The following ZNF654 variants were observed in gnomAD, a reference collection of about 807,000 sequenced individuals.
ZNF654 encodes melanoma-associated antigen.
A neutral mutation model predicts 95.3 loss-of-function variants in ZNF654; 19 were observed. The ratio of observed to expected loss-of-function variants is 0.20; its 90% CI spans 0.14 to 0.29. The LOEUF (loss-of-function observed/expected upper bound fraction) is 0.29, where lower values mean the gene tolerates loss of function less well. Ranked by LOEUF, ZNF654 falls within the 10% of genes least tolerant of loss-of-function variation. ZNF654 has a pLI of 1.00. For synonymous variants in ZNF654, 413 were observed against 457.9 expected, an observed-to-expected ratio of 0.90 and a Z score of 1.25; for missense variants, 1,046 against 1,341.0, an observed-to-expected ratio of 0.78 and a Z score of 3.44.
intron 2 of ZNF654, among the ~76,000 whole-genome samples, chr3:88,096,135 A>G (rs768223832): frequency 1.3e-5 from 2 of 151,952 alleles, no homozygotes; most frequent in Non-Finnish European, 2.9e-5. Flanking sequence ...TCAAGATTCA[A>G]TTAGGTAAAT....
chr3:88,059,425 G>A lies in ZNF654; in HGVS notation c.106G>A (p.Gly36Ser), dbSNP rs1371616339. ...TGTGGGGCTTAGAGCTGCGGGCGAC[G>A]GCAGAGGCGGCGCTGGCAGCGGCAA... ...GPVGLRAAGD[G>S]RGGAGSGNCG... The change falls in exon 1 of 9, where the codon GGC becomes AGC. Residue 36 changes from glycine (G) to serine (S), a missense_variant. By Grantham distance (56) the Gly-to-Ser change is moderately conservative. Around this residue, in one of 9 missense-constraint regions of ZNF654, gnomAD observed 89 missense variants for 77.9 expected, o/e 1.14. Coordinates refer to ENST00000636215, the MANE Select transcript of ZNF654 (RefSeq NM_001350134.2). 2 of 1,526,686 alleles carry A rather than the reference G, an allele frequency of 1.3e-6. No homozygotes were observed. The highest frequency in any genetic ancestry group is 1.7e-6 in the Non-Finnish European group (2 of 1,143,784). The allele number at this position is 1,526,686 out of a possible 1,614,324, so 94.6% of individuals were successfully genotyped here. A position where few individuals can be genotyped will look rare whatever the true frequency, so the allele number is the denominator to read the frequency against.
chr3:88,093,412 A>G (rs1397645618), intron 2 of ZNF654, among the ~76,000 whole-genome samples: 1 of 152,196 alleles, frequency 6.6e-6, no homozygotes, highest in African/African-American at 2.4e-5. Context: ...CATTCCAGGT[A>G]GAGGTGAGTT....
chr3:88,095,853 C>T, intron 2 of ZNF654: 1 of 459,202 alleles, frequency 2.2e-6, no homozygotes, highest in South Asian at 1.7e-5. Context: ...AAAGCCTTTC[C>T]ACTTCAGCAG....
intron 1 of ZNF654, among the ~76,000 whole-genome samples, chr3:88,066,583 A>C (rs1707213151): frequency 6.6e-6 from 1 of 151,888 alleles, no homozygotes; most frequent in South Asian, 2.1e-4. Context: ...AACAAACAAA[A>C]AAAACAAAAA....
At chr3:88,116,435 G>A (rs1210716502) in intron 3 of ZNF654, among the ~76,000 whole-genome samples, 2 of 151,798 alleles carry the variant, frequency 1.3e-5, no homozygotes, top group East Asian at 1.9e-4. Context: ...CAGGAGAATC[G>A]CTTGAACCTG....
intron 2 of ZNF654, among the ~76,000 whole-genome samples, chr3:88,111,499 T>C (rs1576301342): frequency 1.3e-5 from 2 of 152,030 alleles, no homozygotes; most frequent in East Asian, 3.8e-4. Context: ...TTGGAATTTT[T>C]TAATTCATAT....
intron 8 of ZNF654, among the ~76,000 whole-genome samples, chr3:88,141,276 T>C (rs1447823158): frequency 6.6e-6 from 1 of 152,154 alleles, no homozygotes; most frequent in Non-Finnish European, 1.5e-5. Flanking sequence ...TGCATAGGGC[T>C]TTGCCTATGA....
intron 3 of ZNF654, among the ~76,000 whole-genome samples, chr3:88,119,404 A>AGGGGGGG (rs1705627765): frequency 3.2e-5 from 1 of 31,628 alleles, no homozygotes; most frequent in Non-Finnish European, 5.3e-5. Flanking sequence ...GGGAGGGGGG[A>AGGGGGGG]GGGGGGAGGG....
At chr3:88,093,952 T>C (rs1703898400) in intron 2 of ZNF654, among the ~76,000 whole-genome samples, 2 of 152,204 alleles carry the variant, frequency 1.3e-5, no homozygotes, top group Non-Finnish European at 2.9e-5. Context: ...CCTGACTCTT[T>C]ATATTGACGA....
At chr3:88,108,661 C>G (rs1450434948) in intron 2 of ZNF654, among the ~76,000 whole-genome samples, 2 of 152,226 alleles carry the variant, frequency 1.3e-5, no homozygotes, top group African/African-American at 2.4e-5. Flanking sequence ...TCGTAGCCCT[C>G]TAGGTTATCA....
At chr3:88,110,139 T>C (rs1705000933) in intron 2 of ZNF654, among the ~76,000 whole-genome samples, 1 of 152,156 alleles carries the variant, frequency 6.6e-6, no homozygotes, top group Admixed American at 6.6e-5. Context: ...GTGCCAGGAA[T>C]TGTGCCAAGT....
chr3:88,112,859 A>G (rs1705179543), intron 2 of ZNF654, among the ~76,000 whole-genome samples: 1 of 152,066 alleles, frequency 6.6e-6, no homozygotes, highest in African/African-American at 2.4e-5. Flanking sequence ...CATTGTGGTC[A>G]TTAGTAGGCA....
intron 1 of ZNF654, among the ~76,000 whole-genome samples, chr3:88,065,166 C>T (rs1270749605): frequency 6.6e-6 from 1 of 152,134 alleles, no homozygotes; most frequent in Non-Finnish European, 1.5e-5. Flanking sequence ...TTCAAGTCTT[C>T]ATAAAAGGTG....
chr3:88,116,538 A>T (rs1434040235), intron 3 of ZNF654, among the ~76,000 whole-genome samples: 2 of 97,862 alleles, frequency 2.0e-5, no homozygotes, highest in East Asian at 3.0e-4. Context: ...AGAAAAAAAA[A>T]TACATACATA....
chr3:88,109,995 T>C lies in ZNF654; in HGVS notation c.333-3120T>C, dbSNP rs60078582. On this transcript the variant is annotated intron_variant, in intron 2 of 8. Transcript: ENST00000636215. The stretch of plus-strand genomic sequence containing the variant: ...CTGTTACATTTCAACAAAATTGACA[T>C]ATGCATAGCTGAGCAGAACAAACCT... 8.4e-3 allele frequency among the ~76,000 whole-genome samples: 1,275 copies of C among 152,232 alleles called. 13 individuals are homozygous for C. Among genetic ancestry groups the C allele is most frequent in the African/African-American group, 0.027 (1,142 of 41,564 alleles).
At chr3:88,108,443 T>C (rs1029077704) in intron 2 of ZNF654, among the ~76,000 whole-genome samples, 1 of 152,192 alleles carries the variant, frequency 6.6e-6, no homozygotes, top group Non-Finnish European at 1.5e-5. Flanking sequence ...TAGTCTCCCC[T>C]CATCTGTGGA....
At chr3:88,114,100 G>A (rs1705251404) in intron 3 of ZNF654, among the ~76,000 whole-genome samples, 1 of 152,118 alleles carries the variant, frequency 6.6e-6, no homozygotes, top group Non-Finnish European at 1.5e-5. Flanking sequence ...AAGAAAAACA[G>A]TAGTAAGCAA....
intron 2 of ZNF654, among the ~76,000 whole-genome samples, chr3:88,098,357 A>G (rs898774937): frequency 6.6e-6 from 1 of 152,198 alleles, no homozygotes; most frequent in Admixed American, 6.5e-5. Context: ...CCAACCAAAA[A>G]GGGTCCAGGA....
chr3:88,126,321 T>C (rs990693718), intron 4 of ZNF654, 52 bp downstream of exon 4: 4 of 1,393,522 alleles, frequency 2.9e-6, no homozygotes, highest in Non-Finnish European at 3.7e-6. Flanking sequence ...GCAAATACAC[T>C]TTCATTTACT....
Sources: allele counts gnomAD v4.1 joint callset (sites outside exome capture counted in the v4.1 genomes callset), GRCh38; gene constraint gnomAD v4.1.1; regional missense constraint gnomAD v4.1.1; transcripts MANE v1.5; gene names NCBI Gene and HGNC (gene_info 2026-07-23, HGNC 2026-07-21).